Variants in PAK3 observed in about 807,000 individuals in gnomAD.
PAK3 encodes the protein serine/threonine-protein kinase PAK 3.
In PAK3, 4 loss-of-function variants were observed where a neutral mutation model predicts 41.0. The ratio of observed to expected loss-of-function variants is 0.10; its 90% CI spans 0.05 to 0.22. The LOEUF is 0.22. Ranked by LOEUF, PAK3 falls within the 10% of genes least tolerant of loss-of-function variation. PAK3 has a pLI of 1.00. For synonymous variants in PAK3, 146 were observed against 139.6 expected, an observed-to-expected ratio of 1.05 and a Z score of -0.32; for missense variants, 205 against 409.9, an observed-to-expected ratio of 0.50 and a Z score of 4.32.
intron 1 of PAK3, among the ~76,000 whole-genome samples, chrX:111,061,639 C>T (rs2092656491): frequency 9.0e-6 from 1 of 111,630 alleles, no homozygotes. Flanking sequence ...TTGTTCAGTA[C>T]ATTTTTGTAG....
chrX:111,152,729 C>G (rs1334783767), intron 8 of PAK3: 1 of 219,611 alleles, frequency 4.6e-6, no homozygotes, highest in African/African-American at 2.9e-5. Flanking sequence ...CCACCCCACC[C>G]TAGTCACAGG....
chrX:111,063,971 A>T (rs1038335518), intron 1 of PAK3, among the ~76,000 whole-genome samples: 4 of 111,997 alleles, frequency 3.6e-5, no homozygotes, highest in Non-Finnish European at 7.5e-5. Context: ...ACCCCTGAAT[A>T]ACTACAAAAT....
chrX:111,045,914 C>G (rs1313400446), intron 1 of PAK3, among the ~76,000 whole-genome samples: 2 of 111,653 alleles, frequency 1.8e-5, no homozygotes, highest in Non-Finnish European at 3.8e-5. Flanking sequence ...CTGATCACCT[C>G]TATTTGACCC....
intron 1 of PAK3, among the ~76,000 whole-genome samples, chrX:110,999,317 C>A (rs1402449198): frequency 9.0e-6 from 1 of 111,627 alleles, no homozygotes; most frequent in South Asian, 3.8e-4. Flanking sequence ...CTTTGGCACC[C>A]GGCTCATCTC....
intron 5 of PAK3, among the ~76,000 whole-genome samples, chrX:111,134,638 A>G (rs1322899356): frequency 2.7e-5 from 3 of 111,587 alleles, no homozygotes; most frequent in Non-Finnish European, 5.7e-5. Flanking sequence ...GTTTAGTGTG[A>G]TAAGTGTAAT....
intron 4 of PAK3, among the ~76,000 whole-genome samples, chrX:111,120,602 G>A (rs1031350636): frequency 3.6e-5 from 4 of 111,704 alleles, no homozygotes; most frequent in African/African-American, 1.3e-4. Flanking sequence ...GTCGTGTGGC[G>A]TGTTTTCCTG....
At chrX:111,083,818 G>A (rs909978196) in intron 1 of PAK3, among the ~76,000 whole-genome samples, 10 of 112,202 alleles carry the variant, frequency 8.9e-5, no homozygotes, top group African/African-American at 3.2e-4. Context: ...ATTGCTCTAC[G>A]CTTTCCCCAT....
chrX:111,181,839 TG>T (rs2149278019), intron 11 of PAK3, among the ~76,000 whole-genome samples: 1 of 110,434 alleles, frequency 9.1e-6, no homozygotes, highest in East Asian at 2.9e-4. Flanking sequence ...CAAAAGTATT[TG>T]CTTCTTCATC....
intron 6 of PAK3, among the ~76,000 whole-genome samples, chrX:111,147,519 C>G (rs1242699180): frequency 5.4e-5 from 6 of 110,861 alleles, no homozygotes; most frequent in Non-Finnish European, 9.4e-5. Context: ...CCCACCCACC[C>G]TTTTTAAGTT....
chrX:111,195,234 T>G (rs923894926), intron 14 of PAK3, among the ~76,000 whole-genome samples: 1 of 110,382 alleles, frequency 9.1e-6, no homozygotes, highest in Non-Finnish European at 1.9e-5. Context: ...CTCATTATCA[T>G]TTTCCCCACC....
At chrX:110,994,523 C>G (rs758756474) in intron 1 of PAK3, among the ~76,000 whole-genome samples, 1 of 111,376 alleles carries the variant, frequency 9.0e-6, no homozygotes, top group South Asian at 3.8e-4. Flanking sequence ...GGCCACAATT[C>G]CTTGTTATAC....
intron 5 of PAK3, among the ~76,000 whole-genome samples, chrX:111,129,170 A>G (rs762196018): frequency 8.9e-6 from 1 of 111,787 alleles, no homozygotes; most frequent in African/African-American, 3.2e-5. Flanking sequence ...CTTTCATCTA[A>G]TTAATGCACA....
In PAK3 at chrX:111,194,312, G is replaced by A. The variant is rs1249190198; in HGVS notation, c.1004G>A (p.Gly335Asp). The A allele has an allele frequency of 2.6e-6, 3 of 1,156,362 alleles. No individual in the cohort carries two copies. The highest frequency in any genetic ancestry group is 3.5e-6 in the Non-Finnish European group (3 of 845,369). ...TTTTCTTGTTATAGCTACTTGGTGG[G>A]TGATGAACTATGGGTAGTCATGGAA... The part of the protein sequence containing the change: ...IVNYLDSYLV[G>D]DELWVVMEYL... The change falls in exon 14 of 18, where the codon GGT (glycine) becomes GAT (aspartate). Residue 335 changes from glycine to aspartate, a missense_variant. Coordinates refer to ENST00000372007, the MANE Select transcript of PAK3 (RefSeq NM_002578.5).
chrX:111,163,428 CAGCTACTCAA>C, intron 9 of PAK3, 124 bp from the exon 10 acceptor site: 1 of 533,620 alleles, frequency 1.9e-6, no homozygotes, highest in Non-Finnish European at 3.3e-6. Flanking sequence ...GTTGTACTTT[CAGCTACTCAA>C]AGTCCTTTTT....
At chrX:111,094,180 G>C (rs2092950821), upstream of PAK3, among the ~76,000 whole-genome samples, 1 of 110,591 alleles carries the variant, frequency 9.0e-6, no homozygotes. Flanking sequence ...ATTTGAGAAA[G>C]AGTGTTGTAT....
chrX:111,113,735 A>G (rs2093415138), intron 4 of PAK3, among the ~76,000 whole-genome samples: 1 of 110,827 alleles, frequency 9.0e-6, no homozygotes, highest in Non-Finnish European at 1.9e-5. Context: ...CGTCATTTAC[A>G]TTAGGTATAT....
At chrX:111,064,009 G>A (rs1358180186) in intron 1 of PAK3, among the ~76,000 whole-genome samples, 1 of 111,267 alleles carries the variant, frequency 9.0e-6, no homozygotes, top group Non-Finnish European at 1.9e-5. Flanking sequence ...GATTTTATTA[G>A]CAAGAGGAAC....
chrX:111,081,857 C>A (rs1032902546), intron 1 of PAK3, among the ~76,000 whole-genome samples: 7 of 111,395 alleles, frequency 6.3e-5, no homozygotes, highest in Non-Finnish European at 1.9e-5. Flanking sequence ...TGATACCTGA[C>A]TGTGAGTTTC....
rs577374855 is a variant in PAK3, at chrX:110,962,524, T to C, written c.-28+17896T>C. ...AATAATCTTTCCACCATGCAAACCT[T>C]ACTTGTTATTTCTCTGCTCCTATGC... On this transcript the variant is annotated intron_variant, in intron 1 of 14. Transcript: ENST00000425146. Among the ~76,000 whole-genome samples, 8 of 112,646 alleles carry C rather than the reference T, an allele frequency of 7.1e-5. No individual in the cohort carries two copies. In the South Asian group the frequency reaches 2.9e-3, roughly 41 times the overall value.
Sources: gnomAD v4.1 joint callset for allele counts (sites outside exome capture counted in the v4.1 genomes callset) on GRCh38, gnomAD v4.1.1 for gene constraint, MANE v1.5 for transcripts, NCBI Gene and HGNC (gene_info 2026-07-23, HGNC 2026-07-21) for gene names.